SHISA5: variants seen among roughly 807,000 people sequenced by gnomAD.
SHISA5 encodes the protein protein shisa-5.
In SHISA5, 21 loss-of-function variants were observed where a neutral mutation model predicts 27.5. That is an observed-to-expected ratio of 0.76 (90% CI 0.54 to 1.10). SHISA5 has a LOEUF of 1.10. Ranked by LOEUF, SHISA5 falls within the 50% of genes least tolerant of loss-of-function variation. The pLI, the probability that SHISA5 is intolerant of heterozygous loss-of-function variation, is 0.00. For synonymous variants in SHISA5, 137 were observed against 142.2 expected (o/e 0.96, Z 0.26); for missense variants, 314 against 336.3 (o/e 0.93, Z 0.52).
Position 48,469,691 on chromosome 3 carries a change from C to T in SHISA5, c.430+37G>A, listed in dbSNP as rs760761329. 21 of 1,611,950 alleles carry T rather than the reference C, an allele frequency of 1.3e-5. No individual in the cohort carries two copies. Among genetic ancestry groups the T allele is most frequent in the Non-Finnish European group, 1.8e-5 (21 of 1,178,962 alleles). On this transcript the variant is annotated intron_variant, in intron 4 of 5. Transcript: ENST00000296444. The surrounding 1 kb of genome is among the most constrained non-coding windows in gnomAD (Gnocchi z 4.6). ...GGCCTGGTCAGCTTCCCTTACCACC[C>T]CAGGGGGTCACAGTGGGGCAGGGTG...
In SHISA5 at chr3:48,484,753, C is replaced by T. The variant is rs915929711; in HGVS notation, c.234-5496G>A. 2.6e-5 allele frequency among the ~76,000 whole-genome samples: 4 copies of T among 151,938 alleles called. No homozygotes were observed. In the East Asian group the frequency reaches 5.8e-4, roughly 22 times the overall value. On this transcript the variant is annotated intron_variant, in intron 2 of 5. Coordinates refer to ENST00000296444, the MANE Select transcript of SHISA5 (RefSeq NM_016479.6). ...CTAAAAATACAAAAAATTAGCCAGGCGTGGTGGCAGGTGCCTGTAGCCCCA... is the reference window on the plus strand; with the variant it reads ...CTAAAAATACAAAAAATTAGCCAGGTGTGGTGGCAGGTGCCTGTAGCCCCA...
Position 48,468,522 on chromosome 3 carries a change from C to T in SHISA5, c.*585G>A, listed in dbSNP as rs1213592444. 4 of 1,186,730 alleles carry T rather than the reference C, an allele frequency of 3.4e-6. No homozygotes were observed. Among genetic ancestry groups the T allele is most frequent in the African/African-American group, 3.2e-5 (2 of 62,460 alleles). 73.5% of individuals were successfully genotyped at this position (1,186,730 alleles called of 1,614,324 possible). On this transcript the variant is annotated 3_prime_UTR_variant, in exon 6 of 6. Coordinates refer to ENST00000296444, the MANE Select transcript of SHISA5 (RefSeq NM_016479.6). ...CCTGATCCCCAACAGGCATGACAGG[C>T]TCCAGGGAGCAATGGGACATCTGCC...
intron 2 of SHISA5, among the ~76,000 whole-genome samples, chr3:48,486,013 A>C (rs2041207378): frequency 1.3e-5 from 2 of 150,790 alleles, no homozygotes; most frequent in African/African-American, 2.4e-5. Flanking sequence ...AGCCTCTAAT[A>C]ATTTCAGTCT....
Position 48,468,307 on chromosome 3 carries a change from C to G in SHISA5, c.*800G>C, listed in dbSNP as rs2107271243. The G allele has an allele frequency of 9.7e-7, 1 of 1,026,252 alleles. No homozygotes were observed. The highest frequency in any genetic ancestry group is 1.7e-5 in the African/African-American group (1 of 58,248). The allele number at this position is 1,026,252 out of a possible 1,614,324, so 63.6% of individuals were successfully genotyped here. On this transcript the variant is annotated 3_prime_UTR_variant, in exon 6 of 6. Transcript: ENST00000296444. ...GAAGAGAACTGAGTGTGCTGGTGGACAGGAGCCCTGCTCACCTGTGGGAAG... is the reference window on the plus strand; with the variant it reads ...GAAGAGAACTGAGTGTGCTGGTGGAGAGGAGCCCTGCTCACCTGTGGGAAG...
chr3:48,469,754 A>C lies in SHISA5; in HGVS notation c.404T>G (p.Leu135Arg). Reference protein sequence around the residue: ...IICFTCSCCCLYKTCRRPRPV... With the variant: ...IICFTCSCCCRYKTCRRPRPV... ...ACGTGGTCGGCGGCACGTCTTGTAA[A>C]GGCAGCAGCAGGAGCAGGTGAAGCA... The change falls in exon 4 of 6, where the codon CTT (leucine) becomes CGT (arginine). Residue 135 changes from leucine (L) to arginine (R), a missense_variant. Leu to Arg is a moderately radical substitution (Grantham distance 102). Coordinates refer to ENST00000296444, the MANE Select transcript of SHISA5 (RefSeq NM_016479.6). The surrounding 1 kb of genome is among the most constrained non-coding windows in gnomAD (Gnocchi z 4.6). 6.2e-7 allele frequency: 1 copy of C among 1,614,108 alleles called. No homozygotes were observed. The highest frequency in any genetic ancestry group is 1.1e-5 in the South Asian group (1 of 91,088).
At chr3:48,479,982 C>T (rs1385262208) in intron 2 of SHISA5, among the ~76,000 whole-genome samples, 1 of 151,474 alleles carries the variant, frequency 6.6e-6, no homozygotes, top group African/African-American at 2.4e-5. Flanking sequence ...CGGCTCACTG[C>T]AAGCTCCGCC....
In SHISA5 at chr3:48,468,327, G is replaced by C; in HGVS notation, c.*780C>G. The C allele has an allele frequency of 6.7e-6, 7 of 1,045,194 alleles. No homozygotes were observed. Among genetic ancestry groups the C allele is most frequent in the Non-Finnish European group, 8.1e-6 (7 of 865,566 alleles). The allele number at this position is 1,045,194 out of a possible 1,614,324, so 64.7% of individuals were successfully genotyped here. A position where few individuals can be genotyped will look rare whatever the true frequency, so the allele number is the denominator to read the frequency against. ...GTGGACAGGAGCCCTGCTCACCTGTGGGAAGGGCAGGGCCAGCAAGGGCAG... is the reference window on the plus strand; with the variant it reads ...GTGGACAGGAGCCCTGCTCACCTGTCGGAAGGGCAGGGCCAGCAAGGGCAG... On this transcript the variant is annotated 3_prime_UTR_variant, in exon 6 of 6. Transcript: ENST00000296444.
At chr3:48,498,959 G>A (rs2041665447) in intron 2 of SHISA5, among the ~76,000 whole-genome samples, 1 of 151,492 alleles carries the variant, frequency 6.6e-6, no homozygotes, top group Non-Finnish European at 1.5e-5. Flanking sequence ...GCACATGCCT[G>A]TAATCCCAGC....
Position 48,469,894 on chromosome 3 carries a change from G to C in SHISA5, c.315-51C>G. The C allele has an allele frequency of 6.3e-7, 1 of 1,580,698 alleles. No individual in the cohort carries two copies. Among genetic ancestry groups the C allele is most frequent in the Non-Finnish European group, 8.6e-7 (1 of 1,162,594 alleles). Reference sequence around the variant, plus strand: ...GGGCACCTCGCCCCTCCCCAGACCAGCATCCACACCTTCCCAAGGCATGCC... The same window carrying C: ...GGGCACCTCGCCCCTCCCCAGACCACCATCCACACCTTCCCAAGGCATGCC... On this transcript the variant is annotated intron_variant, in intron 3 of 5. Transcript: ENST00000296444. This position sits in a 1 kb window ranked among gnomAD's most constrained non-coding sequence, Gnocchi z 4.6.
chr3:48,503,995 G>C, intron 1 of SHISA5, 24 bp downstream of exon 1: 1 of 1,458,650 alleles, frequency 6.9e-7, no homozygotes, highest in Non-Finnish European at 9.1e-7. Flanking sequence ...AGGGCAGGAC[G>C]GGCCGCCCCC....
chr3:48,472,025 A>C (rs2040646698), intron 3 of SHISA5, among the ~76,000 whole-genome samples: 1 of 150,814 alleles, frequency 6.6e-6, no homozygotes, highest in African/African-American at 2.4e-5. Flanking sequence ...TCTACTAAAA[A>C]TACAAAAATT....
At chr3:48,475,117 T>A (rs185961334) in intron 3 of SHISA5, among the ~76,000 whole-genome samples, 18 of 151,798 alleles carry the variant, frequency 1.2e-4, no homozygotes, top group Middle Eastern at 3.4e-3. Context: ...AAAAAAAAAA[T>A]TTTTGCATAA....
At chr3:48,502,369 G>T in intron 1 of SHISA5, 1 of 456,730 alleles carries the variant, frequency 2.2e-6, no homozygotes, top group Non-Finnish European at 4.4e-6. Context: ...CCTGCAGCAG[G>T]TGTCCAGGAA....
chr3:48,493,668 AT>A (rs1415650701), intron 2 of SHISA5, among the ~76,000 whole-genome samples: 1 of 142,394 alleles, frequency 7.0e-6, no homozygotes, highest in African/African-American at 2.9e-5. Context: ...AGTAGCTGGG[AT>A]TACAGGTGTG....
At position 48,473,762 on chromosome 3, in the gene SHISA5, A is replaced by C. The variant is rs1230956203; in HGVS notation, c.315-3919T>G. On this transcript the variant is annotated intron_variant, in intron 3 of 5. Coordinates refer to ENST00000296444, the MANE Select transcript of SHISA5 (RefSeq NM_016479.6). The surrounding 1 kb of genome is among the most constrained non-coding windows in gnomAD (Gnocchi z 4.3). ...TTCCTGTGTATGTATTATAGTTGAC[A>C]ATAAAAGAAGAAAAGAGGCCATGTG... 2.6e-5 allele frequency among the ~76,000 whole-genome samples: 4 copies of C among 152,150 alleles called. No homozygotes were observed. The highest frequency in any genetic ancestry group is 9.7e-5 in the African/African-American group (4 of 41,426).
At chr3:48,489,515 G>A (rs868177416) in intron 2 of SHISA5, among the ~76,000 whole-genome samples, 30 of 151,450 alleles carry the variant, frequency 2.0e-4, no homozygotes, top group African/African-American at 7.0e-4. Flanking sequence ...GCAGAGACGG[G>A]GTTTCACCAT....
rs142849351 is a variant in SHISA5, at chr3:48,470,469, G to A, written c.315-626C>T. On this transcript the variant is annotated intron_variant, in intron 3 of 5. Coordinates refer to ENST00000296444, the MANE Select transcript of SHISA5 (RefSeq NM_016479.6). The surrounding 1 kb of genome is among the most constrained non-coding windows in gnomAD (Gnocchi z 4.3). ...GCAAGCTTGCTGTATGCCAAGCACCGTGCCAGGGGTCACACACACCCCTGG... is the reference window on the plus strand; with the variant it reads ...GCAAGCTTGCTGTATGCCAAGCACCATGCCAGGGGTCACACACACCCCTGG... 9.7e-4 allele frequency among the ~76,000 whole-genome samples: 147 copies of A among 152,276 alleles called. No homozygotes were observed. Among genetic ancestry groups the A allele is most frequent in the Middle Eastern group, 3.4e-3 (1 of 294 alleles).
chr3:48,504,480 G>A (rs114743756), upstream of SHISA5: 1,736 of 180,850 alleles, frequency 9.6e-3, 11 homozygotes, highest in Non-Finnish European at 0.015. This position sits in a 1 kb window ranked among gnomAD's most constrained non-coding sequence, Gnocchi z 4.0. Flanking sequence ...GCGTCCCCGG[G>A]AATATGCACC....
chr3:48,470,365 C>A lies in SHISA5; in HGVS notation c.315-522G>T, dbSNP rs779091844. Among the ~76,000 whole-genome samples, 1 of 152,212 alleles carries A rather than the reference C, an allele frequency of 6.6e-6. No homozygotes were observed. Among genetic ancestry groups the A allele is most frequent in the Non-Finnish European group, 1.5e-5 (1 of 68,024 alleles). On this transcript the variant is annotated intron_variant, in intron 3 of 5. Coordinates refer to ENST00000296444, the MANE Select transcript of SHISA5 (RefSeq NM_016479.6). This position sits in a 1 kb window ranked among gnomAD's most constrained non-coding sequence, Gnocchi z 4.3. ...CCAGTGTGGCCAGAACAGGAGGCCC[C>A]CATTGTTCCCCTGCACTCCACAACA...
Sources: allele counts gnomAD v4.1 joint callset (sites outside exome capture counted in the v4.1 genomes callset), GRCh38; gene constraint gnomAD v4.1.1; non-coding constraint Gnocchi (gnomAD v3.1); transcripts MANE v1.5; gene names NCBI Gene and HGNC (gene_info 2026-07-23, HGNC 2026-07-21).